DGKZ: variants seen among roughly 807,000 people sequenced by gnomAD.
DGKZ encodes DAG kinase zeta.
A neutral mutation model predicts 142.5 loss-of-function variants in DGKZ; 45 were observed. That is an observed-to-expected ratio of 0.32 (90% CI 0.25 to 0.40). DGKZ has a LOEUF of 0.40. DGKZ is among the 10% of genes least tolerant of loss of function. The probability of loss-of-function intolerance (pLI) is 1.00; values close to 1 mark genes in which losing one functional copy is unlikely to be tolerated. For synonymous variants in DGKZ, 442 were observed against 527.0 expected, an observed-to-expected ratio of 0.84 and a Z score of 2.21; for missense variants, 755 against 1,306.5, an observed-to-expected ratio of 0.58 and a Z score of 6.51.
At chr11:46,358,410 G>A (rs1330304275) in intron 1 of DGKZ, among the ~76,000 whole-genome samples, 1 of 152,002 alleles carries the variant, frequency 6.6e-6, no homozygotes, top group Non-Finnish European at 1.5e-5. Flanking sequence ...TGTACTAGAT[G>A]CTTTTTTTTT....
chr11:46,369,437 A>G, intron 4 of DGKZ, 57 bp from the exon 5 acceptor site: 1 of 1,606,802 alleles, frequency 6.2e-7, no homozygotes, highest in Non-Finnish European at 8.5e-7. Context: ...GAGTGACCAC[A>G]TACCTGACCC....
In DGKZ at chr11:46,373,064, C is replaced by G; in HGVS notation, c.1289C>G (p.Ala430Gly). 1 of 1,544,462 alleles carries G rather than the reference C, an allele frequency of 6.5e-7. No individual in the cohort carries two copies. Among genetic ancestry groups the G allele is most frequent in the African/African-American group, 1.4e-5 (1 of 72,704 alleles). ...CTCCACGCTGAGCCCAACCCCGAGG[C>G]AGGGCCTGAGGACCGAGATGAAGGC... is the stretch of plus-strand genomic sequence containing the variant. The change falls in exon 14 of 31, where the codon GCA (alanine) becomes GGA (glycine). Residue 430 changes from alanine (A) to glycine (G), a missense_variant. This residue lies in a region of DGKZ where 191 missense variants were observed against 472.1 expected (regional missense o/e 0.40). Transcript: ENST00000527911.
At chr11:46,373,851 G>A (rs996590945) in intron 14 of DGKZ, among the ~76,000 whole-genome samples, 15 of 152,228 alleles carry the variant, frequency 9.9e-5, no homozygotes, top group Non-Finnish European at 2.1e-4. Context: ...TACCTGCCAG[G>A]CACTTCTCTA....
chr11:46,376,430 G>A (rs368176560), intron 23 of DGKZ, 33 bp downstream of exon 23: 139 of 1,613,918 alleles, frequency 8.6e-5, no homozygotes, highest in African/African-American at 3.1e-4. Flanking sequence ...AAGCTGTTTC[G>A]TGTTCCCTCC....
intron 1 of DGKZ, chr11:46,361,735 C>A: frequency 1.1e-6 from 1 of 924,368 alleles, no homozygotes; most frequent in Non-Finnish European, 1.3e-6. Flanking sequence ...CCCCTCCTTG[C>A]TTTCTGCTTC....
At chr11:46,371,963 A>G (rs1943996112) in intron 9 of DGKZ, 112 bp from the exon 10 acceptor site, 7 of 1,254,766 alleles carry the variant, frequency 5.6e-6, no homozygotes, top group Non-Finnish European at 5.7e-6. Flanking sequence ...TGGCCCAGAG[A>G]TGGTACGTGA....
intron 27 of DGKZ, 172 bp from the exon 28 acceptor site, chr11:46,378,819 C>A: frequency 1.7e-6 from 2 of 1,142,918 alleles, no homozygotes; most frequent in Non-Finnish European, 2.5e-6. Flanking sequence ...GGGTGAGAGG[C>A]CCCTCCTCCG....
chr11:46,379,701 G>T (rs1266288623), intron 30 of DGKZ, 130 bp from the exon 31 acceptor site: 6 of 1,270,260 alleles, frequency 4.7e-6, no homozygotes, highest in Non-Finnish European at 5.4e-6. Flanking sequence ...AGCCAGCAGG[G>T]GAGGAGCTGG....
chr11:46,338,033 A>G (rs971917132), intron 1 of DGKZ, among the ~76,000 whole-genome samples: 3 of 152,210 alleles, frequency 2.0e-5, no homozygotes, highest in Non-Finnish European at 4.4e-5. Flanking sequence ...TAGGCTTTGC[A>G]GGGCACTCGA....
chr11:46,334,722 T>C (rs1939928207), intron 1 of DGKZ, among the ~76,000 whole-genome samples: 2 of 152,174 alleles, frequency 1.3e-5, no homozygotes, highest in South Asian at 2.1e-4. Context: ...ATTACCAAGT[T>C]CTTCCAGAAC....
intron 1 of DGKZ, among the ~76,000 whole-genome samples, chr11:46,335,749 C>T (rs990619292): frequency 6.6e-6 from 1 of 152,188 alleles, no homozygotes; most frequent in Non-Finnish European, 1.5e-5. Flanking sequence ...CAAGGAGAGC[C>T]CCTGGTAGAG....
chr11:46,376,855 T>C (rs2136509936), intron 24 of DGKZ: 2 of 633,956 alleles, frequency 3.2e-6, no homozygotes, highest in Admixed American at 2.9e-5. Flanking sequence ...AGCAAAGGCA[T>C]TCTGGTCAGG....
upstream of DGKZ, chr11:46,345,641 C>T (rs1940541197): frequency 1.2e-5 from 17 of 1,444,226 alleles, no homozygotes; most frequent in South Asian, 2.3e-4. This position sits in a 1 kb window ranked among gnomAD's most constrained non-coding sequence, Gnocchi z 4.1. Flanking sequence ...CTCTATGAGC[C>T]TTTTATCTGA....
rs1252342935 is a variant in DGKZ, at chr11:46,373,069, C to T, written c.1294C>T (p.Pro432Ser). Reference sequence around the variant, plus strand: ...CGCTGAGCCCAACCCCGAGGCAGGGCCTGAGGACCGAGATGAAGGCGCCAC... The same window carrying T: ...CGCTGAGCCCAACCCCGAGGCAGGGTCTGAGGACCGAGATGAAGGCGCCAC... The change falls in exon 14 of 31, where the codon CCT (proline) becomes TCT (serine). Residue 432 changes from proline (P) to serine (S), a missense_variant. Physicochemically the swap from Pro to Ser is moderately conservative, Grantham distance 74. Transcript: ENST00000527911. 6.5e-6 allele frequency: 10 copies of T among 1,543,988 alleles called. 1 individual carries two copies. The South Asian group carries it at 9.6e-5, about 15-fold the overall frequency.
intron 1 of DGKZ, among the ~76,000 whole-genome samples, chr11:46,339,509 G>C (rs1433342583): frequency 6.6e-6 from 1 of 152,188 alleles, no homozygotes; most frequent in South Asian, 2.1e-4. Context: ...TGAGTCAAAG[G>C]CCAGAGAGGG....
chr11:46,371,943 TG>T, intron 9 of DGKZ, 131 bp from the exon 10 acceptor site: 1 of 1,211,566 alleles, frequency 8.3e-7, no homozygotes, highest in Non-Finnish European at 1.2e-6. Context: ...CTCTGTGGCC[TG>T]GTAAGATCTG....
rs1381057149 is a variant in DGKZ, at chr11:46,368,097, C to T, written c.444+18C>T. On this transcript the variant is annotated intron_variant, in intron 4 of 30. Coordinates refer to ENST00000527911, the Ensembl canonical transcript of DGKZ. ...TGGAGAAGGTGGGTGGGTAGCTCAG[C>T]TTTGCCCGCCCCTGCCCTTTGGGTG... 3.1e-6 allele frequency: 5 copies of T among 1,613,508 alleles called. No homozygotes were observed. In the Admixed American group the frequency reaches 8.3e-5, roughly 27 times the overall value.
chr11:46,379,779 G>A (rs996498285), intron 30 of DGKZ, 52 bp from the exon 31 acceptor site: 3 of 1,524,768 alleles, frequency 2.0e-6, no homozygotes, highest in Non-Finnish European at 2.7e-6. Context: ...CAGCCTGCTA[G>A]GGGTTAGGCC....
At chr11:46,353,522 G>A (rs566612758) in intron 1 of DGKZ, among the ~76,000 whole-genome samples, 1 of 152,338 alleles carries the variant, frequency 6.6e-6, no homozygotes, top group Admixed American at 6.5e-5. Flanking sequence ...GACTGGGGCT[G>A]TGAGCCCGTC....
Sources: allele counts gnomAD v4.1 joint callset (sites outside exome capture counted in the v4.1 genomes callset), GRCh38; gene constraint gnomAD v4.1.1; regional missense constraint gnomAD v4.1.1; non-coding constraint Gnocchi (gnomAD v3.1); transcripts MANE v1.5; gene names NCBI Gene and HGNC (gene_info 2026-07-23, HGNC 2026-07-21).